Variants in CTNND2 observed in about 807,000 individuals in gnomAD.
The protein encoded by CTNND2 is catenin delta-2.
Under a neutral mutation model 144.4 loss-of-function variants are expected in CTNND2, and 22 were observed. The ratio of observed to expected loss-of-function variants is 0.15; its 90% confidence interval spans 0.11 to 0.22. CTNND2 has a LOEUF of 0.22. Among genes scored for constraint, CTNND2 ranks in the 10% least tolerant of loss-of-function variants. The pLI, the probability that CTNND2 is intolerant of heterozygous loss-of-function variation, is 1.00. For missense variants in CTNND2, 1,353 were observed against 1,618.8 expected (o/e 0.84, Z 2.82); for synonymous variants, 751 against 695.6 (o/e 1.08, Z -1.25).
At chr5:11,902,923 C>T (rs942996252) in intron 1 of CTNND2, 1 of 152,446 alleles carries the variant, frequency 6.6e-6, no homozygotes, top group Non-Finnish European at 1.5e-5. Context: ...CACACACACA[C>T]ACCCCAAAAA....
At chr5:11,795,205 A>G (rs1211473602) in intron 1 of CTNND2, among the ~76,000 whole-genome samples, 1 of 152,202 alleles carries the variant, frequency 6.6e-6, no homozygotes, top group African/African-American at 2.4e-5. Context: ...AGGGTGCGGC[A>G]GTAGCTATCA....
intron 1 of CTNND2, among the ~76,000 whole-genome samples, chr5:11,766,165 C>T (rs902878246): frequency 3.3e-5 from 5 of 152,184 alleles, no homozygotes; most frequent in Admixed American, 2.6e-4. Context: ...TTTACATATA[C>T]TTGCATTGTC....
At chr5:11,239,770 C>T (rs929050380) in intron 9 of CTNND2, among the ~76,000 whole-genome samples, 2 of 152,182 alleles carry the variant, frequency 1.3e-5, no homozygotes, top group Non-Finnish European at 2.9e-5. Flanking sequence ...CACTCAAATG[C>T]GGGGCCTCAG....
At chr5:11,423,735 C>T (rs1227268973) in intron 3 of CTNND2, among the ~76,000 whole-genome samples, 1 of 152,194 alleles carries the variant, frequency 6.6e-6, no homozygotes, top group Non-Finnish European at 1.5e-5. Context: ...TTGCTTCCTA[C>T]ATATGTCATC....
chr5:11,383,937 C>A (rs1758783598), intron 7 of CTNND2, among the ~76,000 whole-genome samples: 1 of 152,186 alleles, frequency 6.6e-6, no homozygotes, highest in Admixed American at 6.5e-5. Flanking sequence ...GAAATGTCAC[C>A]TCCTCTAAAC....
At chr5:10,991,270 C>T (rs1238814511) in intron 19 of CTNND2, among the ~76,000 whole-genome samples, 7 of 152,176 alleles carry the variant, frequency 4.6e-5, no homozygotes, top group African/African-American at 9.7e-5. Flanking sequence ...ATCATTCTCG[C>T]GGGTAGGGAG....
chr5:11,312,539 C>A (rs564235370), intron 9 of CTNND2, among the ~76,000 whole-genome samples: 20 of 152,152 alleles, frequency 1.3e-4, no homozygotes, highest in Non-Finnish European at 2.1e-4. Flanking sequence ...GAAAGACCGG[C>A]CCCCATGATT....
intron 1 of CTNND2, among the ~76,000 whole-genome samples, chr5:11,848,424 T>C (rs1374955597): frequency 6.6e-6 from 1 of 152,132 alleles, no homozygotes; most frequent in Non-Finnish European, 1.5e-5. Flanking sequence ...AATAACAACA[T>C]TAATATAGTG....
intron 3 of CTNND2, among the ~76,000 whole-genome samples, chr5:11,554,614 C>T (rs2150090028): frequency 6.6e-6 from 1 of 152,162 alleles, no homozygotes; most frequent in African/African-American, 2.4e-5. Context: ...AATTTTGTGT[C>T]TGGCCTAGGG....
intron 2 of CTNND2, among the ~76,000 whole-genome samples, chr5:11,666,714 G>T (rs901550389): frequency 1.3e-5 from 2 of 152,116 alleles, no homozygotes; most frequent in African/African-American, 4.8e-5. Context: ...CTTTTGTAAT[G>T]TAAAGTGAAT....
chr5:11,715,425 C>T lies in CTNND2; in HGVS notation c.174+16711G>A, dbSNP rs367701345. Among the ~76,000 whole-genome samples the T allele has an allele frequency of 4.1e-4, 62 of 152,302 alleles. 1 individual carries two copies. In the Middle Eastern group the frequency reaches 0.01, roughly 25 times the overall value. ...CTGAGTGAATCCAGGTGGGCACATT[C>T]TGATGAATTTTTCAATGTATTCTCC... On this transcript the variant is annotated intron_variant, in intron 2 of 21. Transcript: ENST00000304623.
intron 16 of CTNND2, among the ~76,000 whole-genome samples, chr5:11,078,884 A>G (rs1749237022): frequency 6.6e-6 from 1 of 152,256 alleles, no homozygotes; most frequent in South Asian, 2.1e-4. Flanking sequence ...AATTAAATGC[A>G]AACTAAGTGT....
intron 9 of CTNND2, among the ~76,000 whole-genome samples, chr5:11,269,506 GTA>G (rs1237861733): frequency 6.6e-6 from 1 of 152,152 alleles, no homozygotes; most frequent in Admixed American, 6.5e-5. Flanking sequence ...CATTTGCATT[GTA>G]TTCATACCTA....
At chr5:11,802,666 T>C (rs970156638) in intron 1 of CTNND2, among the ~76,000 whole-genome samples, 2 of 152,236 alleles carry the variant, frequency 1.3e-5, no homozygotes, top group African/African-American at 2.4e-5. Flanking sequence ...CCAGGTCATA[T>C]ATAATAAAAC....
rs748506065 is a variant in CTNND2 at position 11,098,615 on chromosome 5, G to A, written c.2597C>T (p.Ala866Val). The A allele has an allele frequency of 5.0e-6, 8 of 1,613,954 alleles. No individual in the cohort carries two copies. The highest frequency in any genetic ancestry group is 1.7e-5 in the Admixed American group (1 of 60,002). ...ECSNPDTLEG[A>V]AGALQNLAAG... ...AGCCAAGTTCTGCAGGGCGCCTGCC[G>A]CCCCTTCCAGCGTGTCTGGATTTGA... The change falls in exon 15 of 22, where the codon GCG becomes GTG. Residue 866 changes from alanine to valine, a missense_variant. Physicochemically the swap from Ala to Val is moderately conservative, Grantham distance 64 (BLOSUM62 0). Around this residue, in one of 4 missense-constraint regions of CTNND2, gnomAD observed 459 missense variants for 674.3 expected, o/e 0.68. Coordinates refer to ENST00000304623, the MANE Select transcript of CTNND2 (RefSeq NM_001332.4).
At chr5:11,486,658 G>A in intron 3 of CTNND2, among the ~76,000 whole-genome samples, 1 of 152,062 alleles carries the variant, frequency 6.6e-6, no homozygotes, top group East Asian at 1.9e-4. Context: ...GAGGGAGGAA[G>A]AAGGGGAAAA....
At chr5:11,079,655 T>C (rs1207895978) in intron 16 of CTNND2, among the ~76,000 whole-genome samples, 2 of 152,180 alleles carry the variant, frequency 1.3e-5, no homozygotes, top group Non-Finnish European at 1.5e-5. Flanking sequence ...GCCTTTTCCC[T>C]GGATTCTTTT....
At chr5:11,850,278 A>C (rs796610027) in intron 1 of CTNND2, among the ~76,000 whole-genome samples, 7 of 152,226 alleles carry the variant, frequency 4.6e-5, no homozygotes, top group African/African-American at 1.7e-4. Context: ...GAGAAATATA[A>C]GTGAAAAAAG....
Position 11,082,679 on chromosome 5 carries a change from A to C in CTNND2, c.2788+17T>G. On this transcript the variant is annotated intron_variant, in intron 16 of 21. Transcript: ENST00000304623. ...TTCACTTAACACTTGAGACACTGTG[A>C]ATCAGGGAGAACATACCGATGAGCT... 2 of 1,612,516 alleles carry C rather than the reference A, an allele frequency of 1.2e-6. No individual in the cohort carries two copies. The highest frequency in any genetic ancestry group is 1.7e-6 in the Non-Finnish European group (2 of 1,178,926).
Sources: allele counts gnomAD v4.1 joint callset (sites outside exome capture counted in the v4.1 genomes callset), GRCh38; gene constraint gnomAD v4.1.1; regional missense constraint gnomAD v4.1.1; transcripts MANE v1.5; gene names NCBI Gene and HGNC (gene_info 2026-07-23, HGNC 2026-07-21).